GRAMD4: variants seen among roughly 807,000 people sequenced by gnomAD.
GRAMD4 encodes GRAM domain containing 4, also known as GRAM domain-containing protein 4.
Under a neutral mutation model 83.9 loss-of-function variants are expected in GRAMD4, and 25 were observed. The ratio of observed to expected loss-of-function variants is 0.30; its 90% confidence interval spans 0.22 to 0.42. The LOEUF is 0.42. Ranked by LOEUF, GRAMD4 falls within the 10% of genes least tolerant of loss-of-function variation. The pLI, the probability that GRAMD4 is intolerant of heterozygous loss-of-function variation, is 1.00. For synonymous variants in GRAMD4, 336 were observed against 320.9 expected (o/e 1.05, Z -0.50); for missense variants, 593 against 788.7 (o/e 0.75, Z 2.97).
At chr22:46,654,896 T>C (rs1027506080) in intron 3 of GRAMD4, among the ~76,000 whole-genome samples, 3 of 152,210 alleles carry the variant, frequency 2.0e-5, no homozygotes, top group Admixed American at 6.5e-5. Context: ...AACGTCACAC[T>C]GTACCAGGAG....
At chr22:46,653,107 T>A (rs923013111) in intron 3 of GRAMD4, among the ~76,000 whole-genome samples, 1 of 152,208 alleles carries the variant, frequency 6.6e-6, no homozygotes, top group Non-Finnish European at 1.5e-5. Flanking sequence ...TACTTAGCTG[T>A]CTTTGTACCA....
Position 46,673,836 on chromosome 22 carries a change from G to C in GRAMD4, c.1384+22G>C. 3.1e-6 allele frequency: 5 copies of C among 1,611,778 alleles called. No homozygotes were observed. In the Middle Eastern group the frequency reaches 6.6e-4, roughly 213 times the overall value. ...GCGGGTATGTGTGCCGTGAGTCTGA[G>C]GCCAGGCCGAGCGCCGACACAGACT... On this transcript the variant is annotated intron_variant, in intron 15 of 18. Coordinates refer to ENST00000406902, the MANE Select transcript of GRAMD4 (RefSeq NM_015124.5).
intron 1 of GRAMD4, among the ~76,000 whole-genome samples, chr22:46,599,840 T>TGA (rs1415277192): frequency 6.6e-6 from 1 of 151,924 alleles, no homozygotes; most frequent in African/African-American, 2.4e-5. Context: ...AGGCGTGTTG[T>TGA]GAGGTGTGAC....
At chr22:46,578,777 AC>A (rs1602280749) in intron 1 of GRAMD4, among the ~76,000 whole-genome samples, 2 of 151,662 alleles carry the variant, frequency 1.3e-5, no homozygotes, top group Admixed American at 1.3e-4. Flanking sequence ...CCTTCCGAAG[AC>A]CCCTGCCTGG....
intron 6 of GRAMD4, 48 bp from the exon 7 acceptor site, chr22:46,663,790 C>T (rs775664335): frequency 5.4e-5 from 86 of 1,599,264 alleles, no homozygotes; most frequent in Middle Eastern, 3.3e-4. Flanking sequence ...ACTGCAGAGC[C>T]GGCGGGTGCA....
chr22:46,590,213 C>T (rs1043360711), intron 1 of GRAMD4, among the ~76,000 whole-genome samples: 12 of 152,330 alleles, frequency 7.9e-5, no homozygotes, highest in African/African-American at 2.9e-4. Context: ...CTCCTGCGTC[C>T]AGAGGGGCGG....
chr22:46,588,585 G>A lies in GRAMD4; in HGVS notation c.-50+11295G>A, dbSNP rs573040524. ...CTGTCCCTCGCAGTCTTAGCCATCA[G>A]CTGCCTTTGGAGAATGAGCGATCTG... is the stretch of plus-strand genomic sequence containing the variant. On this transcript the variant is annotated intron_variant, in intron 1 of 1. Coordinates refer to the GRAMD4 transcript ENST00000431155. Among the ~76,000 whole-genome samples the A allele has an allele frequency of 2.0e-5, 3 of 152,360 alleles. No individual in the cohort carries two copies. The South Asian group carries it at 6.2e-4, about 32-fold the overall frequency.
chr22:46,603,803 C>T (rs536388624), intron 1 of GRAMD4, among the ~76,000 whole-genome samples: 3 of 152,176 alleles, frequency 2.0e-5, no homozygotes, highest in East Asian at 3.9e-4. Flanking sequence ...GGCGTGACCA[C>T]CGCGCCCAGC....
chr22:46,612,623 C>T (rs981856503), intron 1 of GRAMD4, among the ~76,000 whole-genome samples: 8 of 152,256 alleles, frequency 5.3e-5, no homozygotes, highest in African/African-American at 1.9e-4. Flanking sequence ...AGCTCACACG[C>T]GTGCTCAGGT....
At chr22:46,682,094 C>G (rs1349700252), downstream of GRAMD4, among the ~76,000 whole-genome samples, 9 of 152,226 alleles carry the variant, frequency 5.9e-5, no homozygotes, top group Admixed American at 1.3e-4. Flanking sequence ...CCCTCAAAAC[C>G]CCTGGAACCA....
chr22:46,619,513 T>C (rs1187825252), upstream of GRAMD4, among the ~76,000 whole-genome samples: 1 of 152,292 alleles, frequency 6.6e-6, no homozygotes, highest in African/African-American at 2.4e-5. Context: ...CATGTTCTTA[T>C]TTCACTTTCT....
At chr22:46,595,469 G>A (rs991972655) in intron 1 of GRAMD4, among the ~76,000 whole-genome samples, 1 of 152,264 alleles carries the variant, frequency 6.6e-6, no homozygotes, top group African/African-American at 2.4e-5. Flanking sequence ...AGGGGAGGTG[G>A]CGCCCTGATG....
intron 13 of GRAMD4, among the ~76,000 whole-genome samples, chr22:46,670,293 C>T (rs1393269887): frequency 6.6e-6 from 1 of 152,268 alleles, no homozygotes; most frequent in African/African-American, 2.4e-5. Flanking sequence ...TCTCTGGACG[C>T]AGCACGGCTG....
At chr22:46,616,890 G>A (rs1369355086), upstream of GRAMD4, among the ~76,000 whole-genome samples, 5 of 25,198 alleles carry the variant, frequency 2.0e-4, no homozygotes, top group African/African-American at 6.4e-4. Context: ...TCCCCTGTGC[G>A]TGTAGTTTCC....
intron 8 of GRAMD4, 107 bp from the exon 9 acceptor site, chr22:46,665,508 T>C: frequency 1.6e-6 from 1 of 631,444 alleles, no homozygotes; most frequent in East Asian, 2.8e-5. Context: ...AGCCAGCGGG[T>C]GGCCTGGTCT....
intron 1 of GRAMD4, among the ~76,000 whole-genome samples, chr22:46,597,475 T>TTATC (rs959634942): frequency 2.6e-5 from 4 of 152,226 alleles, no homozygotes; most frequent in Admixed American, 1.3e-4. Flanking sequence ...CTGGTTTCAT[T>TTATC]TATCTATCTA....
intron 3 of GRAMD4, among the ~76,000 whole-genome samples, chr22:46,647,328 C>T (rs2082085945): frequency 6.6e-6 from 1 of 152,198 alleles, no homozygotes; most frequent in Non-Finnish European, 1.5e-5. Flanking sequence ...CTCCATTGCC[C>T]CATGAACTCC....
intron 3 of GRAMD4, among the ~76,000 whole-genome samples, chr22:46,647,362 G>A (rs1315200063): frequency 6.6e-6 from 1 of 152,348 alleles, no homozygotes; most frequent in East Asian, 1.9e-4. Flanking sequence ...ATTACACATT[G>A]TGGATGTTTG....
Position 46,597,739 on chromosome 22 carries a change from T to G in GRAMD4, c.-50+20449T>G, listed in dbSNP as rs112128288. 1.6e-3 allele frequency among the ~76,000 whole-genome samples: 245 copies of G among 152,276 alleles called. 1 individual carries two copies. Among genetic ancestry groups the G allele is most frequent in the Middle Eastern group, 6.8e-3 (2 of 294 alleles). On this transcript the variant is annotated intron_variant, in intron 1 of 1. Transcript: ENST00000431155. ...CTCCTGACCTCGTGATCTGCCCGCT[T>G]CGGCCTCCCAAAGTGCTGGGATTAC...
Sources: allele counts gnomAD v4.1 joint callset (sites outside exome capture counted in the v4.1 genomes callset), GRCh38; gene constraint gnomAD v4.1.1; transcripts MANE v1.5; gene names NCBI Gene and HGNC (gene_info 2026-07-23, HGNC 2026-07-21).